The following AFF1 variants were observed in gnomAD, a reference collection of about 807,000 sequenced individuals.
AFF1 encodes the protein AF4/FMR2 family member 1.
AFF1 carries 48 observed loss-of-function variants against 121.7 expected under a neutral mutation model. That is an observed-to-expected ratio of 0.39 (90% CI 0.31 to 0.50). The LOEUF (loss-of-function observed/expected upper bound fraction) is 0.50, where lower values mean the gene tolerates loss of function less well. Among genes scored for constraint, AFF1 ranks in the 20% least tolerant of loss-of-function variants. The pLI is 0.76. For synonymous variants in AFF1, 613 were observed against 563.0 expected, an observed-to-expected ratio of 1.09 and a Z score of -1.26; for missense variants, 1,523 against 1,511.7, an observed-to-expected ratio of 1.01 and a Z score of -0.12.
chr4:86,992,581 G>A (rs1378508683), intron 2 of AFF1, among the ~76,000 whole-genome samples: 3 of 151,960 alleles, frequency 2.0e-5, no homozygotes, highest in Non-Finnish European at 4.4e-5. Flanking sequence ...CAGCTTTGAG[G>A]TGTCAGTGAC....
intron 2 of AFF1, among the ~76,000 whole-genome samples, chr4:86,981,147 G>A (rs1311090579): frequency 6.6e-6 from 1 of 151,802 alleles, no homozygotes; most frequent in Non-Finnish European, 1.5e-5. Context: ...TGAGTAGCTG[G>A]GACCACAGGT....
intron 1 of AFF1, among the ~76,000 whole-genome samples, chr4:86,936,677 T>C (rs1720030580): frequency 1.3e-5 from 2 of 152,200 alleles, no homozygotes; most frequent in Admixed American, 1.3e-4. Flanking sequence ...TCATCTTTAG[T>C]GGGAAGGATT....
intron 8 of AFF1, among the ~76,000 whole-genome samples, chr4:87,100,477 G>A (rs954581426): frequency 1.3e-5 from 2 of 152,058 alleles, no homozygotes; most frequent in Non-Finnish European, 2.9e-5. Context: ...GACCTGGGGT[G>A]GCCTTTATCA....
chr4:87,063,301 A>G (rs1285018641), intron 4 of AFF1, among the ~76,000 whole-genome samples: 2 of 119,450 alleles, frequency 1.7e-5, no homozygotes, highest in African/African-American at 3.2e-5. Flanking sequence ...GTGCAATGGC[A>G]TGATCTTGGC....
At chr4:87,130,414 G>A (rs984201237) in intron 16 of AFF1, among the ~76,000 whole-genome samples, 6 of 152,216 alleles carry the variant, frequency 3.9e-5, no homozygotes, top group Non-Finnish European at 2.9e-5. Flanking sequence ...GTCATCAGCT[G>A]CACTTGCCAT....
rs1166034753 is a variant in AFF1, at chr4:87,090,049, C to A, written c.1170C>A (p.Ser390=). The A allele has an allele frequency of 1.9e-6, 3 of 1,613,710 alleles. No homozygotes were observed. The African/African-American group carries it at 4.0e-5, about 22-fold the overall frequency. Residue 390 remains serine, a synonymous_variant, in exon 6 of 21, where the codon TCC becomes TCA. Transcript: ENST00000395146. ...ATACGCCTAGTACAGCTGAGCCATC[C>A]AAGTTTCCTTTCCCTACAAAGGTAA... ...AIHTPSTAEP[S]KFPFPTKDSQ...
intron 1 of AFF1, among the ~76,000 whole-genome samples, chr4:86,942,895 C>G (rs1720570903): frequency 6.6e-6 from 1 of 152,242 alleles, no homozygotes; most frequent in Admixed American, 6.5e-5. Context: ...CCACCCTCTT[C>G]TAGACTTGCT....
At chr4:86,995,239 C>A (rs1187766504) in intron 2 of AFF1, among the ~76,000 whole-genome samples, 1 of 139,664 alleles carries the variant, frequency 7.2e-6, no homozygotes, top group East Asian at 2.0e-4. Context: ...TCTCAAAAAA[C>A]AAACAGGCAG....
rs1728116793 is a variant in AFF1, at chr4:87,125,222, T to C, written c.2573+79T>C. 2.9e-6 allele frequency: 3 copies of C among 1,034,586 alleles called. No homozygotes were observed. The East Asian group carries it at 8.0e-5, about 28-fold the overall frequency. The allele number at this position is 1,034,586 out of a possible 1,614,324, so 64.1% of individuals were successfully genotyped here. On this transcript the variant is annotated intron_variant, in intron 13 of 20. Coordinates refer to ENST00000395146, the MANE Select transcript of AFF1 (RefSeq NM_001166693.3). ...TCTTGACATAGCAAAGAAATTTTTC[T>C]TCTGCACTAGAATCAGTGGATTAAT...
chr4:87,017,329 T>A (rs1727403371), intron 2 of AFF1, among the ~76,000 whole-genome samples: 1 of 152,114 alleles, frequency 6.6e-6, no homozygotes, highest in Non-Finnish European at 1.5e-5. Flanking sequence ...ATTTTGCATT[T>A]GATTATTAGA....
intron 4 of AFF1, among the ~76,000 whole-genome samples, chr4:87,073,993 A>C: frequency 7.1e-6 from 1 of 141,584 alleles, no homozygotes. Context: ...GCGTGTGTGC[A>C]TGTGTGTGTA....
At chr4:87,100,692 A>G (rs1725346479) in intron 8 of AFF1, among the ~76,000 whole-genome samples, 1 of 152,192 alleles carries the variant, frequency 6.6e-6, no homozygotes, top group African/African-American at 2.4e-5. Context: ...AGTGCTCAGA[A>G]TAAATGCAGA....
At chr4:87,078,534 C>G (rs1004356514) in intron 4 of AFF1, among the ~76,000 whole-genome samples, 2 of 152,146 alleles carry the variant, frequency 1.3e-5, no homozygotes, top group African/African-American at 4.8e-5. Context: ...GCAAGAGAAC[C>G]TGGACAGTTT....
At chr4:87,026,061 CTTTTT>C (rs34793575) in intron 2 of AFF1, among the ~76,000 whole-genome samples, 1 of 109,728 alleles carries the variant, frequency 9.1e-6, no homozygotes, top group Non-Finnish European at 1.8e-5. Flanking sequence ...AGAGACCATG[CTTTTT>C]TTTTTTTTTT....
chr4:86,949,947 G>A (rs889757030), intron 2 of AFF1: 116 of 1,613,956 alleles, frequency 7.2e-5, no homozygotes, highest in Middle Eastern at 1.6e-4. Flanking sequence ...CGCAGGTCCC[G>A]CAGGGCCATG....
intron 4 of AFF1, among the ~76,000 whole-genome samples, chr4:87,054,372 G>T (rs1203908225): frequency 6.6e-6 from 1 of 152,220 alleles, no homozygotes; most frequent in African/African-American, 2.4e-5. Context: ...TCCTGAGTAG[G>T]ACGTCAGAGT....
intron 16 of AFF1, among the ~76,000 whole-genome samples, chr4:87,130,394 G>C (rs1728719738): frequency 6.6e-6 from 1 of 152,204 alleles, no homozygotes; most frequent in Non-Finnish European, 1.5e-5. Context: ...AAAGACAGTT[G>C]CATCACACTG....
chr4:87,135,593 G>T lies in AFF1; in HGVS notation c.3549G>T (p.Arg1183=). Residue 1183 remains arginine (R), a synonymous_variant, in exon 21 of 21, where the codon CGG becomes CGT. Transcript: ENST00000395146. ...TTTTTTTTGCAGAATTCTTTGCTCG[G>T]CTCAGCACAAATGTGTGCACCTTGG... ...LTRKNKEFFA[R]LSTNVCTLAL... 2 of 1,586,662 alleles carry T rather than the reference G, an allele frequency of 1.3e-6. No individual in the cohort carries two copies. The highest frequency in any genetic ancestry group is 8.6e-7 in the Non-Finnish European group (1 of 1,164,266).
At position 87,134,642 on chromosome 4, in the gene AFF1, T is replaced by G. The variant is rs764213849; in HGVS notation, c.3483T>G (p.Leu1161=). 6.2e-7 allele frequency: 1 copy of G among 1,614,214 alleles called. No homozygotes were observed. The highest frequency in any genetic ancestry group is 8.5e-7 in the Non-Finnish European group (1 of 1,180,044). The change falls in exon 20 of 21, where the codon CTT becomes CTG. Residue 1161 remains leucine (L), a synonymous_variant. Transcript: ENST00000395146. Reference sequence around the variant, plus strand: ...ATGTCACCATCACATCCCATGTTCTTACCGCCTTTGACCTTTGGGAACAGG... The same window carrying G: ...ATGTCACCATCACATCCCATGTTCTGACCGCCTTTGACCTTTGGGAACAGG... ...SSYVTITSHV[L]TAFDLWEQAE...
Sources: gnomAD v4.1 joint callset for allele counts (sites outside exome capture counted in the v4.1 genomes callset) on GRCh38, gnomAD v4.1.1 for gene constraint, MANE v1.5 for transcripts, NCBI Gene and HGNC (gene_info 2026-07-23, HGNC 2026-07-21) for gene names.